EML1: variants seen among roughly 807,000 people sequenced by gnomAD.
The protein encoded by EML1 is echinoderm microtubule-associated protein-like 1.
Under a neutral mutation model 110.4 loss-of-function variants are expected in EML1, and 27 were observed. The ratio of observed to expected loss-of-function variants is 0.24; its 90% CI spans 0.18 to 0.34. EML1 has a LOEUF of 0.34. EML1 is among the 10% of genes least tolerant of loss of function. EML1 has a pLI of 1.00. For synonymous variants in EML1, 344 were observed against 385.8 expected (o/e 0.89, Z 1.27); for missense variants, 741 against 1,030.9 (o/e 0.72, Z 3.85).
chr14:99,852,915 A>G (rs188936049), intron 2 of EML1, among the ~76,000 whole-genome samples: 170 of 152,284 alleles, frequency 1.1e-3, no homozygotes, highest in African/African-American at 3.7e-3. Flanking sequence ...TGATTCAGGT[A>G]TTTTAAATAG....
At chr14:99,843,997 C>G (rs966576259) in intron 1 of EML1, among the ~76,000 whole-genome samples, 2 of 152,206 alleles carry the variant, frequency 1.3e-5, no homozygotes, top group East Asian at 3.9e-4. Flanking sequence ...TTCTTTCCCT[C>G]CTATCCAAAG....
intron 1 of EML1, among the ~76,000 whole-genome samples, chr14:99,798,859 G>A (rs74084762): frequency 0.14 from 21,629 of 151,500 alleles, 1,762 homozygotes; most frequent in East Asian, 0.37. Flanking sequence ...AAGTTTCCTC[G>A]AACAGGCAGA....
intron 1 of EML1, among the ~76,000 whole-genome samples, chr14:99,804,726 C>T (rs2057940518): frequency 6.6e-6 from 1 of 152,216 alleles, no homozygotes; most frequent in Non-Finnish European, 1.5e-5. Context: ...AGGCCTTTCC[C>T]TTGGATTATT....
chr14:99,924,467 T>G (rs1447626991), intron 17 of EML1, among the ~76,000 whole-genome samples: 2 of 152,184 alleles, frequency 1.3e-5, no homozygotes, highest in African/African-American at 2.4e-5. Context: ...ATAAATCAGG[T>G]ACAGTAAGAG....
chr14:99,816,226 T>C (rs1289232346), intron 1 of EML1, among the ~76,000 whole-genome samples: 2 of 152,196 alleles, frequency 1.3e-5, no homozygotes, highest in African/African-American at 4.8e-5. Flanking sequence ...TGCAGTGACA[T>C]GATCTTGGCT....
At chr14:99,882,922 C>T (rs977435417) in intron 4 of EML1, among the ~76,000 whole-genome samples, 3 of 152,140 alleles carry the variant, frequency 2.0e-5, no homozygotes, top group Admixed American at 6.5e-5. Flanking sequence ...CAGACAGCCC[C>T]GTAGTACAGC....
rs370894571 is a variant in EML1 at position 99,878,466 on chromosome 14, A to G, written c.384-19A>G. On this transcript the variant is annotated intron_variant, in intron 3 of 21. Coordinates refer to ENST00000262233, the MANE Select transcript of EML1 (RefSeq NM_004434.3). ...TCACGATATTAAGGAGTTCACTGTC[A>G]CTTCCATTCCACCCTTAGTAACATC... 8.8e-6 allele frequency: 14 copies of G among 1,597,964 alleles called. No individual in the cohort carries two copies. Among genetic ancestry groups the G allele is most frequent in the Middle Eastern group, 1.7e-4 (1 of 5,946 alleles).
In EML1 at chr14:99,936,653, C is replaced by T. The variant is rs930643436; in HGVS notation, c.2095+319C>T. 1.3e-5 allele frequency among the ~76,000 whole-genome samples: 2 copies of T among 151,936 alleles called. No homozygotes were observed. The highest frequency in any genetic ancestry group is 6.6e-5 in the Admixed American group (1 of 15,254). ...GGGGGCGGGTCCGGGTGGATGTGGCCGAAGTGGGTGGGTCCGGAGCTGTCC... is the reference window on the plus strand; with the variant it reads ...GGGGGCGGGTCCGGGTGGATGTGGCTGAAGTGGGTGGGTCCGGAGCTGTCC... On this transcript the variant is annotated intron_variant, in intron 19 of 21. Coordinates refer to ENST00000262233, the MANE Select transcript of EML1 (RefSeq NM_004434.3). The surrounding 1 kb of genome is among the most constrained non-coding windows in gnomAD (Gnocchi z 5.5).
At chr14:99,935,576 G>T (rs2060453314) in intron 17 of EML1, among the ~76,000 whole-genome samples, 1 of 152,078 alleles carries the variant, frequency 6.6e-6, no homozygotes, top group African/African-American at 2.4e-5. Flanking sequence ...GAGGTCACGA[G>T]ATCGAGACCA....
At chr14:99,862,676 C>T (rs1325904632) in intron 2 of EML1, among the ~76,000 whole-genome samples, 1 of 152,070 alleles carries the variant, frequency 6.6e-6, no homozygotes, top group Non-Finnish European at 1.5e-5. Flanking sequence ...GTTTTGTGTC[C>T]GTTTGACTTG....
intron 1 of EML1, among the ~76,000 whole-genome samples, chr14:99,761,337 A>G (rs188301916): frequency 6.6e-6 from 1 of 152,216 alleles, no homozygotes; most frequent in Admixed American, 6.5e-5. Context: ...GACCCTATTA[A>G]TATTTGTGGA....
chr14:99,777,814 T>A (rs1287080811), intron 1 of EML1, among the ~76,000 whole-genome samples: 1 of 152,236 alleles, frequency 6.6e-6, no homozygotes, highest in Non-Finnish European at 1.5e-5. Context: ...GTTTTGTTTT[T>A]TTGTTTTGAA....
chr14:99,878,627 C>T lies in EML1; in HGVS notation c.518+8C>T, dbSNP rs188341390. On this transcript the variant is annotated splice_region_variant and intron_variant, in intron 4 of 21. Transcript: ENST00000262233. ...CAAAAAGAACAGTGAAAGGTAAGGA[C>T]GTCTTATCTCTCAGTTCCTGCTGTT... 2.3e-5 allele frequency: 37 copies of T among 1,611,360 alleles called. No individual in the cohort carries two copies. Among genetic ancestry groups the T allele is most frequent in the Middle Eastern group, 1.7e-4 (1 of 6,032 alleles).
At chr14:99,783,892 G>A (rs994361657) in intron 1 of EML1, among the ~76,000 whole-genome samples, 1 of 152,232 alleles carries the variant, frequency 6.6e-6, no homozygotes, top group Non-Finnish European at 1.5e-5. Flanking sequence ...TCTGTGGTTA[G>A]TCTGTGGCAT....
At chr14:99,746,708 C>T (rs976438555) in intron 1 of EML1, among the ~76,000 whole-genome samples, 14 of 152,120 alleles carry the variant, frequency 9.2e-5, no homozygotes, top group Non-Finnish European at 4.4e-5. Flanking sequence ...GCCCCCTCCA[C>T]GCAGCCCAGG....
chr14:99,887,262 C>T (rs1429491889), intron 4 of EML1, among the ~76,000 whole-genome samples: 1 of 152,244 alleles, frequency 6.6e-6, no homozygotes, highest in Non-Finnish European at 1.5e-5. Context: ...CAGCCGAGCT[C>T]TTTCAGCAAA....
rs1017529482 is a variant in EML1, at chr14:99,784,569, C to A, written c.-27+10556C>A. ...TTGTCATATCCATTTGGACTATCAA[C>A]AGATTATCTGTGGAAGGGTCTGAAG... On this transcript the variant is annotated intron_variant, in intron 1 of 22. Coordinates refer to the EML1 transcript ENST00000327921. This position sits in a 1 kb window ranked among gnomAD's most constrained non-coding sequence, Gnocchi z 4.5. Among the ~76,000 whole-genome samples the A allele has an allele frequency of 6.6e-6, 1 of 152,212 alleles. No homozygotes were observed. Among genetic ancestry groups the A allele is most frequent in the Non-Finnish European group, 1.5e-5 (1 of 68,046 alleles).
intron 1 of EML1, among the ~76,000 whole-genome samples, chr14:99,817,439 G>A (rs1477132531): frequency 1.3e-5 from 2 of 152,258 alleles, no homozygotes; most frequent in South Asian, 2.1e-4. Context: ...GTAGGTGGCA[G>A]TGAAGAAGAG....
At chr14:99,807,606 C>A (rs1165422739) in intron 1 of EML1, among the ~76,000 whole-genome samples, 1 of 152,156 alleles carries the variant, frequency 6.6e-6, no homozygotes, top group Non-Finnish European at 1.5e-5. Flanking sequence ...GACAGAGCCG[C>A]CAGACAGGAG....
Sources: allele counts gnomAD v4.1 joint callset (sites outside exome capture counted in the v4.1 genomes callset), GRCh38; gene constraint gnomAD v4.1.1; non-coding constraint Gnocchi (gnomAD v3.1); transcripts MANE v1.5; gene names NCBI Gene and HGNC (gene_info 2026-07-23, HGNC 2026-07-21).